Variants in CUX1 observed in about 807,000 individuals in gnomAD.
The protein encoded by CUX1 is protein CASP.
In CUX1, 31 loss-of-function variants were observed where a neutral mutation model predicts 158.8. The observed-to-expected ratio is 0.20, with a 90% CI of 0.15 to 0.26. CUX1 has a LOEUF of 0.26. CUX1 is among the 10% of genes least tolerant of loss of function. CUX1 has a pLI of 1.00. For missense variants in CUX1, 1,589 were observed against 2,014.6 expected, an observed-to-expected ratio of 0.79 and a Z score of 4.04; for synonymous variants, 879 against 862.1, an observed-to-expected ratio of 1.02 and a Z score of -0.34.
At chr7:102,192,386 C>T (rs972747590) in intron 12 of CUX1, among the ~76,000 whole-genome samples, 3 of 152,128 alleles carry the variant, frequency 2.0e-5, no homozygotes, top group East Asian at 1.9e-4. Flanking sequence ...TCCTGGAGTA[C>T]GGACCAGGAG....
Position 102,011,784 on chromosome 7 carries a change from G to A in CUX1, c.142-16314G>A, listed in dbSNP as rs190201036. Among the ~76,000 whole-genome samples, 443 of 152,266 alleles carry A rather than the reference G, an allele frequency of 2.9e-3. 1 individual carries two copies. Among genetic ancestry groups the A allele is most frequent in the Non-Finnish European group, 4.4e-3 (297 of 68,022 alleles). On this transcript the variant is annotated intron_variant, in intron 2 of 23. Transcript: ENST00000292535. Reference sequence around the variant, plus strand: ...AGGTACACCCCTCTCATTTTCGGCAGCAGGGTGAGAGGATTTTTATTATCT... The same window carrying A: ...AGGTACACCCCTCTCATTTTCGGCAACAGGGTGAGAGGATTTTTATTATCT...
chr7:102,263,536 G>A (rs557267656), intron 14 of CUX1, among the ~76,000 whole-genome samples: 42 of 151,746 alleles, frequency 2.8e-4, no homozygotes, highest in Admixed American at 4.6e-4. Flanking sequence ...TTCTGGTCTC[G>A]AACTCCTGAC....
intron 2 of CUX1, among the ~76,000 whole-genome samples, chr7:101,943,137 C>T (rs1234260023): frequency 7.3e-6 from 1 of 136,758 alleles, no homozygotes; most frequent in Non-Finnish European, 1.5e-5. Flanking sequence ...GATGGAGTCT[C>T]GCTCTGTCAC....
exon 23 of CUX1, chr7:102,283,088 T>G (rs1586549477): frequency 6.2e-7 from 1 of 1,613,300 alleles, no homozygotes; most frequent in Non-Finnish European, 8.5e-7. Flanking sequence ...CTTGTGGCAG[T>G]GATACCCCGG....
intron 18 of CUX1, among the ~76,000 whole-genome samples, chr7:102,279,060 G>T (rs551077099): frequency 6.6e-6 from 1 of 152,072 alleles, no homozygotes; most frequent in Admixed American, 6.6e-5. Flanking sequence ...AAATAAATAG[G>T]CTGGGCATGG....
chr7:101,823,690 T>A (rs1418078171), intron 1 of CUX1, among the ~76,000 whole-genome samples: 1 of 152,200 alleles, frequency 6.6e-6, no homozygotes, highest in Non-Finnish European at 1.5e-5. Context: ...GTTTATTCAA[T>A]AAGGAAATGC....
At chr7:102,110,117 T>C (rs1016266919) in intron 6 of CUX1, among the ~76,000 whole-genome samples, 9 of 152,232 alleles carry the variant, frequency 5.9e-5, no homozygotes, top group Non-Finnish European at 1.0e-4. Flanking sequence ...GATTATATTA[T>C]ACTATACTAT....
In CUX1 at chr7:102,034,145, C is replaced by CAA. The variant is rs10655613; in HGVS notation, c.189+6021_189+6022dup. On this transcript the variant is annotated intron_variant, in intron 3 of 23. Coordinates refer to ENST00000292535, the MANE Select transcript of CUX1 (RefSeq NM_181552.4). ...CAGGTGACAGAGCGAGACTCCATCT[C>CAA]AAAAAAAAAAAAAAAAAAAAAAGTC... Among the ~76,000 whole-genome samples the CAA allele has an allele frequency of 6.0e-4, 29 of 48,576 alleles. 2 individuals are homozygous for CAA. Among genetic ancestry groups the CAA allele is most frequent in the Non-Finnish European group, 7.1e-4 (21 of 29,628 alleles). The allele number at this position is 48,576 out of a possible 152,430, so 31.9% of individuals were successfully genotyped here. A position where few individuals can be genotyped will look rare whatever the true frequency, so the allele number is the denominator to read the frequency against.
intron 20 of CUX1, among the ~76,000 whole-genome samples, chr7:102,208,854 C>G (rs1554522381): frequency 6.6e-6 from 1 of 152,208 alleles, no homozygotes; most frequent in Non-Finnish European, 1.5e-5. Context: ...CATTGCAAGC[C>G]CGGCTTGGCT....
chr7:102,173,931 G>A (rs896643153), intron 10 of CUX1, among the ~76,000 whole-genome samples: 1 of 152,068 alleles, frequency 6.6e-6, no homozygotes, highest in Non-Finnish European at 1.5e-5. Context: ...CTGGGCCAGC[G>A]GAAAAATGGT....
Position 102,272,060 on chromosome 7 carries a change from C to T in CUX1, c.1256-1306C>T, listed in dbSNP as rs928363905. Among the ~76,000 whole-genome samples, 40 of 152,276 alleles carry T rather than the reference C, an allele frequency of 2.6e-4. 1 individual carries two copies. Among genetic ancestry groups the T allele is most frequent in the African/African-American group, 7.0e-4 (29 of 41,558 alleles). ...AAAATAAATCCATTCGGGGCCTGAACGAGGCGAGACTCTGGTGTGAGCAAG... is the reference window on the plus strand; with the variant it reads ...AAAATAAATCCATTCGGGGCCTGAATGAGGCGAGACTCTGGTGTGAGCAAG... On this transcript the variant is annotated intron_variant, in intron 14 of 22. Transcript: ENST00000292538.
chr7:102,051,558 GGC>G (rs1823499470), intron 3 of CUX1, among the ~76,000 whole-genome samples: 1 of 151,452 alleles, frequency 6.6e-6, no homozygotes, highest in Non-Finnish European at 1.5e-5. Context: ...GAAAATCAGA[GGC>G]AGCAGAATCG....
intron 3 of CUX1, among the ~76,000 whole-genome samples, chr7:102,028,666 G>A (rs1355116622): frequency 2.0e-5 from 3 of 152,214 alleles, no homozygotes; most frequent in Non-Finnish European, 4.4e-5. Flanking sequence ...GATCCTTCCA[G>A]AGAAGGACGG....
At position 101,973,112 on chromosome 7, in the gene CUX1, G is replaced by A. The variant is rs535846036; in HGVS notation, c.142-54986G>A. Among the ~76,000 whole-genome samples the A allele has an allele frequency of 6.6e-5, 10 of 152,234 alleles. No homozygotes were observed. In the South Asian group the frequency reaches 1.7e-3, roughly 25 times the overall value. On this transcript the variant is annotated intron_variant, in intron 2 of 23. Coordinates refer to ENST00000292535, the MANE Select transcript of CUX1 (RefSeq NM_181552.4). Reference sequence around the variant, plus strand: ...GGAGAGAAGAATCAAGTCCATCCACGGTATCCTTGCCCAGGTACCGGTATC... The same window carrying A: ...GGAGAGAAGAATCAAGTCCATCCACAGTATCCTTGCCCAGGTACCGGTATC...
At chr7:101,849,959 C>G (rs1412970169) in intron 1 of CUX1, among the ~76,000 whole-genome samples, 2 of 144,680 alleles carry the variant, frequency 1.4e-5, no homozygotes, top group Non-Finnish European at 3.0e-5. Context: ...CACTCTGTCG[C>G]CCAGGCTGGA....
In CUX1 at chr7:102,179,009, C is replaced by T. The variant is rs782481624; in HGVS notation, c.1017+352C>T. Reference sequence around the variant, plus strand: ...CCTCCCATGTAGCTGGGATCACAGGCGTGCATCACCATGCCCGGCTTATTT... The same window carrying T: ...CCTCCCATGTAGCTGGGATCACAGGTGTGCATCACCATGCCCGGCTTATTT... On this transcript the variant is annotated intron_variant, in intron 11 of 23. Transcript: ENST00000292535. 2.0e-5 allele frequency among the ~76,000 whole-genome samples: 3 copies of T among 152,172 alleles called. No individual in the cohort carries two copies. In the East Asian group the frequency reaches 5.8e-4, roughly 29 times the overall value.
At chr7:102,089,316 A>G (rs1828284069) in intron 4 of CUX1, among the ~76,000 whole-genome samples, 1 of 151,992 alleles carries the variant, frequency 6.6e-6, no homozygotes, top group African/African-American at 2.4e-5. Flanking sequence ...TTATGAAGTG[A>G]TTTTTCCCCT....
chr7:102,138,451 C>T (rs1247437096), intron 8 of CUX1, among the ~76,000 whole-genome samples: 3 of 152,018 alleles, frequency 2.0e-5, no homozygotes, highest in Non-Finnish European at 4.4e-5. Flanking sequence ...TCTGAATGTC[C>T]CCTGAGCCTT....
intron 1 of CUX1, among the ~76,000 whole-genome samples, chr7:101,887,812 T>C (rs914950640): frequency 4.7e-5 from 7 of 150,184 alleles, no homozygotes; most frequent in Admixed American, 2.0e-4. Context: ...AAAAACCAAA[T>C]CCTGCCACTG....
Sources: gnomAD v4.1 joint callset for allele counts (sites outside exome capture counted in the v4.1 genomes callset) on GRCh38, gnomAD v4.1.1 for gene constraint, MANE v1.5 for transcripts, NCBI Gene and HGNC (gene_info 2026-07-23, HGNC 2026-07-21) for gene names.